Variants in ADAM18 observed in about 807,000 individuals in gnomAD.
The protein encoded by ADAM18 is ADAM metallopeptidase domain 18.
Under a neutral mutation model 94.4 loss-of-function variants are expected in ADAM18, and 117 were observed. The observed-to-expected ratio is 1.24, with a 90% CI of 1.07 to 1.45. The LOEUF (loss-of-function observed/expected upper bound fraction) is 1.45, where lower values mean the gene tolerates loss of function less well. Ranked by LOEUF, ADAM18 falls within the 40% of genes most tolerant of loss-of-function variation. The pLI, the probability that ADAM18 is intolerant of heterozygous loss-of-function variation, is 0.00. For missense variants in ADAM18, 936 were observed against 880.0 expected (o/e 1.06, Z -0.81); for synonymous variants, 327 against 291.6 (o/e 1.12, Z -1.24).
rs1275288487 is a variant in ADAM18, at chr8:39,638,384, A to ATT, written c.828-80_828-79insTT. The ATT allele has an allele frequency of 1.8e-5, 16 of 912,690 alleles. No homozygotes were observed. In the East Asian group the frequency reaches 4.3e-4, roughly 25 times the overall value. 56.5% of individuals were successfully genotyped at this position (912,690 alleles called of 1,614,324 possible). A position where few individuals can be genotyped will look rare whatever the true frequency, so the allele number is the denominator to read the frequency against. On this transcript the variant is annotated intron_variant, in intron 9 of 19. Transcript: ENST00000265707. ...TTTGCAAAGTCATTTTTAAAATTTTATGTGAAGAAGGTTTAATTTAATACA... is the reference window on the plus strand; with the variant it reads ...TTTGCAAAGTCATTTTTAAAATTTTATTTGTGAAGAAGGTTTAATTTAATACA...
At chr8:39,678,130 C>A (rs1252276864) in intron 15 of ADAM18, among the ~76,000 whole-genome samples, 1 of 151,998 alleles carries the variant, frequency 6.6e-6, no homozygotes, top group African/African-American at 2.4e-5. Flanking sequence ...TAAAGAGCCA[C>A]AAAAATGTGT....
At chr8:39,711,105 G>A (rs576761602) in intron 18 of ADAM18, among the ~76,000 whole-genome samples, 2 of 152,168 alleles carry the variant, frequency 1.3e-5, no homozygotes, top group Admixed American at 6.5e-5. Flanking sequence ...TTAAAAATTA[G>A]CTCCTGTTTT....
At chr8:39,717,194 C>A (rs1011363176) in intron 18 of ADAM18, among the ~76,000 whole-genome samples, 10 of 151,846 alleles carry the variant, frequency 6.6e-5, no homozygotes, top group African/African-American at 1.9e-4. Context: ...CATTAACAAT[C>A]TAAGCTCAAT....
At chr8:39,718,675 T>G (rs1453682637) in intron 18 of ADAM18, among the ~76,000 whole-genome samples, 1 of 150,520 alleles carries the variant, frequency 6.6e-6, no homozygotes, top group African/African-American at 2.4e-5. Flanking sequence ...CACTTAAAAC[T>G]CTAACAATCT....
chr8:39,611,354 G>T, intron 6 of ADAM18: 1 of 789,360 alleles, frequency 1.3e-6, no homozygotes, highest in Non-Finnish European at 1.5e-6. Flanking sequence ...TACCATACTT[G>T]GAGCTCAAAG....
At chr8:39,723,377 C>T (rs1235052739) in intron 18 of ADAM18, among the ~76,000 whole-genome samples, 1 of 151,378 alleles carries the variant, frequency 6.6e-6, no homozygotes, top group African/African-American at 2.4e-5. Context: ...AAATGGTTTT[C>T]TCTAAGGAAA....
chr8:39,607,314 A>T (rs1819116067), intron 3 of ADAM18, among the ~76,000 whole-genome samples: 1 of 152,032 alleles, frequency 6.6e-6, no homozygotes, highest in Non-Finnish European at 1.5e-5. Flanking sequence ...CTTGATTTGT[A>T]TTTTCTCAAC....
chr8:39,606,165 T>C, intron 2 of ADAM18, 142 bp from the exon 3 acceptor site: 1 of 538,746 alleles, frequency 1.9e-6, no homozygotes, highest in South Asian at 2.6e-5. Context: ...AGATATTAAA[T>C]TCTTACTATT....
chr8:39,615,191 C>T (rs1340466775), intron 6 of ADAM18, among the ~76,000 whole-genome samples: 2 of 151,614 alleles, frequency 1.3e-5, no homozygotes, highest in Non-Finnish European at 1.5e-5. Context: ...CTAAAATCAA[C>T]CACATGCTCG....
At chr8:39,680,330 T>A (rs961772036) in intron 16 of ADAM18, 104 bp downstream of exon 16, 2 of 1,094,502 alleles carry the variant, frequency 1.8e-6, no homozygotes, top group African/African-American at 3.2e-5. Context: ...GGATTTAAAC[T>A]TGTGCTGGCA....
intron 17 of ADAM18, among the ~76,000 whole-genome samples, chr8:39,697,237 G>A (rs1164970971): frequency 6.6e-6 from 1 of 151,532 alleles, no homozygotes; most frequent in Non-Finnish European, 1.5e-5. Context: ...CTGCAACTTT[G>A]TTAATTTATT....
At chr8:39,648,985 T>C (rs1424422717) in intron 12 of ADAM18, among the ~76,000 whole-genome samples, 2 of 152,198 alleles carry the variant, frequency 1.3e-5, no homozygotes, top group Non-Finnish European at 2.9e-5. Context: ...TGACCAAAAT[T>C]TGTTTTATTT....
intron 12 of ADAM18, among the ~76,000 whole-genome samples, chr8:39,662,390 A>G (rs914225555): frequency 2.6e-5 from 4 of 152,166 alleles, no homozygotes; most frequent in Admixed American, 2.0e-4. Flanking sequence ...ATTTGATTGT[A>G]TAAGCATACG....
chr8:39,639,989 GAAAGTTATATGATAGACA>G, intron 10 of ADAM18, among the ~76,000 whole-genome samples: 1 of 152,154 alleles, frequency 6.6e-6, no homozygotes, highest in South Asian at 2.1e-4. Context: ...TAAATTGTGT[GAAAGTTATATGATAGACA>G]AAATTTTAAT....
intron 10 of ADAM18, among the ~76,000 whole-genome samples, chr8:39,639,575 T>C (rs888456368): frequency 6.6e-6 from 1 of 151,656 alleles, no homozygotes; most frequent in Non-Finnish European, 1.5e-5. Flanking sequence ...ATATTTCGAC[T>C]GCTTCATTCC....
chr8:39,663,188 G>A (rs1473869127), intron 12 of ADAM18, among the ~76,000 whole-genome samples: 1 of 151,918 alleles, frequency 6.6e-6, no homozygotes, highest in Non-Finnish European at 1.5e-5. Flanking sequence ...GGTAACTTAC[G>A]AGTTAATTAT....
intron 13 of ADAM18, among the ~76,000 whole-genome samples, chr8:39,665,900 G>A (rs12334305): frequency 1.7e-3 from 259 of 152,048 alleles, no homozygotes; most frequent in African/African-American, 6.0e-3. Flanking sequence ...AAAATTAAAT[G>A]AATTAACATC....
At chr8:39,657,011 T>G (rs1820703331) in intron 12 of ADAM18, among the ~76,000 whole-genome samples, 1 of 152,154 alleles carries the variant, frequency 6.6e-6, no homozygotes, top group South Asian at 2.1e-4. Flanking sequence ...GATCCAGAAT[T>G]TCAGTCTCAG....
intron 14 of ADAM18, among the ~76,000 whole-genome samples, chr8:39,673,888 G>A (rs564671051): frequency 6.6e-6 from 1 of 152,192 alleles, no homozygotes; most frequent in Non-Finnish European, 1.5e-5. Context: ...TTACCCAGTA[G>A]TCATTCAGGA....
Sources: gnomAD v4.1 joint callset for allele counts (sites outside exome capture counted in the v4.1 genomes callset) on GRCh38, gnomAD v4.1.1 for gene constraint, MANE v1.5 for transcripts, NCBI Gene and HGNC (gene_info 2026-07-23, HGNC 2026-07-21) for gene names.